The following ALCAM variants were observed in gnomAD, a reference collection of about 807,000 sequenced individuals.
ALCAM encodes the protein activated leukocyte cell adhesion molecule.
In ALCAM, 30 loss-of-function variants were observed where a neutral mutation model predicts 70.9. The ratio of observed to expected loss-of-function variants is 0.42; its 90% CI spans 0.32 to 0.57. The LOEUF (loss-of-function observed/expected upper bound fraction) is 0.57, where lower values mean the gene tolerates loss of function less well. Among genes scored for constraint, ALCAM ranks in the 20% least tolerant of loss-of-function variants. The pLI, the probability that ALCAM is intolerant of heterozygous loss-of-function variation, is 0.11. For synonymous variants in ALCAM, 249 were observed against 242.5 expected (o/e 1.03, Z -0.25); for missense variants, 591 against 695.1 (o/e 0.85, Z 1.68).
At chr3:105,494,010 T>C (rs909457552) in intron 1 of ALCAM, among the ~76,000 whole-genome samples, 10 of 152,190 alleles carry the variant, frequency 6.6e-5, no homozygotes, top group African/African-American at 2.4e-4. Flanking sequence ...ACTGCTTTGG[T>C]TGGATAAAGA....
intron 1 of ALCAM, among the ~76,000 whole-genome samples, chr3:105,486,282 A>T (rs559025776): frequency 2.0e-5 from 3 of 152,128 alleles, no homozygotes; most frequent in Non-Finnish European, 4.4e-5. Flanking sequence ...GTGCAGCTTG[A>T]TGTTTTAAAA....
intron 1 of ALCAM, among the ~76,000 whole-genome samples, chr3:105,473,590 T>C (rs774283079): frequency 2.0e-4 from 31 of 151,652 alleles, no homozygotes; most frequent in Non-Finnish European, 3.7e-4. Context: ...ACTCAAGTAT[T>C]ATGACAGGTT....
intron 1 of ALCAM, among the ~76,000 whole-genome samples, chr3:105,428,080 T>C (rs1023657445): frequency 2.0e-5 from 3 of 152,020 alleles, no homozygotes; most frequent in African/African-American, 7.2e-5. Flanking sequence ...AACTAAATAT[T>C]TGAATCTCTG....
chr3:105,547,434 C>T lies in ALCAM; in HGVS notation c.1285C>T (p.Leu429=). 1 of 1,609,940 alleles carries T rather than the reference C, an allele frequency of 6.2e-7. No homozygotes were observed. The highest frequency in any genetic ancestry group is 1.3e-5 in the African/African-American group (1 of 74,664). The change falls in exon 11 of 16, where the codon CTA becomes TTA. Residue 429 remains leucine, a synonymous_variant. Coordinates refer to ENST00000306107, the MANE Select transcript of ALCAM (RefSeq NM_001627.4). The part of the protein sequence containing the change: ...KMTKKTDPSG[L]SKTIICHVEG... Reference sequence around the variant, plus strand: ...GACAAAGAAAACTGATCCCAGTGGACTATCTAAAACAATAATCTGCCATGT... The same window carrying T: ...GACAAAGAAAACTGATCCCAGTGGATTATCTAAAACAATAATCTGCCATGT...
intron 7 of ALCAM, among the ~76,000 whole-genome samples, chr3:105,540,992 C>T (rs913994376): frequency 6.6e-6 from 1 of 151,960 alleles, no homozygotes; most frequent in Non-Finnish European, 1.5e-5. Context: ...CTTTGGCTAT[C>T]GGGGATGACA....
chr3:105,383,039 G>A (rs1280974957), intron 1 of ALCAM, among the ~76,000 whole-genome samples: 1 of 151,620 alleles, frequency 6.6e-6, no homozygotes, highest in Non-Finnish European at 1.5e-5. Flanking sequence ...TTCCTGAGTG[G>A]GTTGTTATTC....
intron 1 of ALCAM, among the ~76,000 whole-genome samples, chr3:105,452,255 T>A (rs1028578524): frequency 1.3e-5 from 2 of 152,054 alleles, no homozygotes; most frequent in African/African-American, 4.8e-5. Context: ...TATGTGTTTT[T>A]CCCCTCTCTG....
intron 1 of ALCAM, among the ~76,000 whole-genome samples, chr3:105,396,873 A>T (rs1024345667): frequency 5.3e-5 from 8 of 152,092 alleles, no homozygotes. Context: ...GTAATTTTTC[A>T]TAAAAAGCAT....
intron 1 of ALCAM, among the ~76,000 whole-genome samples, chr3:105,443,033 C>A (rs1937211955): frequency 6.6e-6 from 1 of 152,060 alleles, no homozygotes; most frequent in Non-Finnish European, 1.5e-5. Context: ...GCTATATTGT[C>A]CAGGCTAGTC....
At chr3:105,539,870 C>A in intron 6 of ALCAM, 105 bp from the exon 7 acceptor site, 1 of 1,201,996 alleles carries the variant, frequency 8.3e-7, no homozygotes, top group South Asian at 1.8e-5. Flanking sequence ...ATTACCATTA[C>A]TAGCTTCTTG....
chr3:105,436,453 G>T (rs760556823), intron 1 of ALCAM, among the ~76,000 whole-genome samples: 1 of 151,852 alleles, frequency 6.6e-6, no homozygotes, highest in African/African-American at 2.4e-5. Context: ...TCAGCCTCCC[G>T]AGTAGCTGGG....
intron 1 of ALCAM, among the ~76,000 whole-genome samples, chr3:105,380,144 A>G (rs1277520309): frequency 1.3e-5 from 2 of 151,820 alleles, no homozygotes; most frequent in Non-Finnish European, 3.0e-5. Flanking sequence ...AGATTTCCAC[A>G]TGGAAATGGT....
chr3:105,424,322 G>A (rs545925946), intron 1 of ALCAM, among the ~76,000 whole-genome samples: 1 of 151,630 alleles, frequency 6.6e-6, no homozygotes, highest in Non-Finnish European at 1.5e-5. Context: ...TTTGCAAGGA[G>A]CCATGCTATC....
In ALCAM at chr3:105,575,392, A is replaced by G. The variant is rs1940941512; in HGVS notation, c.*941A>G. On this transcript the variant is annotated 3_prime_UTR_variant, in exon 16 of 16. Transcript: ENST00000306107. ...CTATTTCATGTTTAAAAAGATATCA[A>G]TCAGAATTGGAGTTTTTAACAGTGG... 1 of 152,694 alleles carries G rather than the reference A, an allele frequency of 6.5e-6. No homozygotes were observed. The highest frequency in any genetic ancestry group is 1.9e-4 in the East Asian group (1 of 5,178). The allele number at this position is 152,694 out of a possible 1,614,324, so 9.5% of individuals were successfully genotyped here.
At chr3:105,477,049 T>C (rs1486141376) in intron 1 of ALCAM, among the ~76,000 whole-genome samples, 1 of 152,070 alleles carries the variant, frequency 6.6e-6, no homozygotes, top group East Asian at 1.9e-4. Context: ...AGAAGTGCCT[T>C]TTGCCTCCCA....
chr3:105,377,444 A>G (rs1461796903), intron 1 of ALCAM, among the ~76,000 whole-genome samples: 1 of 152,132 alleles, frequency 6.6e-6, no homozygotes, highest in Non-Finnish European at 1.5e-5. Flanking sequence ...ACATCTTTAA[A>G]AAAATCCCAA....
intron 5 of ALCAM, 80 bp downstream of exon 5, chr3:105,533,770 C>A: frequency 7.5e-7 from 1 of 1,337,910 alleles, no homozygotes; most frequent in South Asian, 1.3e-5. Context: ...TTCTTTAAAC[C>A]AGTGGTCTCC....
At chr3:105,410,006 G>C (rs1335850509) in intron 1 of ALCAM, among the ~76,000 whole-genome samples, 1 of 152,002 alleles carries the variant, frequency 6.6e-6, no homozygotes, top group Non-Finnish European at 1.5e-5. Flanking sequence ...TATCACCCAT[G>C]ATCCATAGCT....
intron 1 of ALCAM, among the ~76,000 whole-genome samples, chr3:105,507,403 C>G (rs1939108734): frequency 6.6e-6 from 1 of 152,064 alleles, no homozygotes; most frequent in Non-Finnish European, 1.5e-5. Context: ...CTAAAAATGT[C>G]CTGTTCTCCG....
Sources: allele counts gnomAD v4.1 joint callset (sites outside exome capture counted in the v4.1 genomes callset), GRCh38; gene constraint gnomAD v4.1.1; transcripts MANE v1.5; gene names NCBI Gene and HGNC (gene_info 2026-07-23, HGNC 2026-07-21).